The following NALF1 variants were observed in gnomAD, a reference collection of about 807,000 sequenced individuals.
NALF1 encodes the protein NALCN channel auxiliary factor 1, also known as family with sequence similarity 155 member A.
Under a neutral mutation model 48.4 loss-of-function variants are expected in NALF1, and 3 were observed. The observed-to-expected ratio is 0.06, with a 90% confidence interval of 0.03 to 0.16. The LOEUF is 0.16. NALF1 is among the 10% of genes least tolerant of loss of function. The pLI is 1.00. For synonymous variants in NALF1, 262 were observed against 245.7 expected, an observed-to-expected ratio of 1.07 and a Z score of -0.62; for missense variants, 526 against 571.5, an observed-to-expected ratio of 0.92 and a Z score of 0.81.
intron 1 of NALF1, among the ~76,000 whole-genome samples, chr13:107,543,510 T>G (rs1877047493): frequency 6.6e-6 from 1 of 152,038 alleles, no homozygotes; most frequent in Admixed American, 6.6e-5. Flanking sequence ...AAATCTGCCA[T>G]ATATACACAT....
chr13:107,783,813 T>A (rs1246032522), intron 1 of NALF1, among the ~76,000 whole-genome samples: 1 of 148,748 alleles, frequency 6.7e-6, no homozygotes, highest in African/African-American at 2.5e-5. Flanking sequence ...TATTGTCCTA[T>A]GACCCTGCCA....
intron 1 of NALF1, among the ~76,000 whole-genome samples, chr13:107,354,008 C>T (rs1488279420): frequency 1.3e-5 from 2 of 152,096 alleles, no homozygotes; most frequent in Non-Finnish European, 1.5e-5. Context: ...GATGAGACAG[C>T]CAAGGTTCTG....
At chr13:107,190,846 G>T (rs1177429610) in intron 2 of NALF1, among the ~76,000 whole-genome samples, 1 of 152,130 alleles carries the variant, frequency 6.6e-6, no homozygotes, top group Non-Finnish European at 1.5e-5. Flanking sequence ...AATTACGAAA[G>T]CATTGGAAAC....
At chr13:107,772,662 C>T (rs768304639) in intron 1 of NALF1, among the ~76,000 whole-genome samples, 20 of 152,174 alleles carry the variant, frequency 1.3e-4, no homozygotes, top group Non-Finnish European at 2.2e-4. Context: ...ACATGTTCAA[C>T]GAGAAAAGAA....
intron 1 of NALF1, among the ~76,000 whole-genome samples, chr13:107,347,308 AC>A (rs1197263531): frequency 6.6e-6 from 1 of 152,166 alleles, no homozygotes; most frequent in Non-Finnish European, 1.5e-5. Context: ...CTAGGACACC[AC>A]CAACTGTGTA....
intron 1 of NALF1, among the ~76,000 whole-genome samples, chr13:107,820,998 G>C (rs1879345031): frequency 6.6e-6 from 1 of 152,112 alleles, no homozygotes; most frequent in South Asian, 2.1e-4. Flanking sequence ...TATCCAACTA[G>C]AAACACAAGC....
Position 107,308,759 on chromosome 13 carries a change from C to T in NALF1, c.916-98004G>A, listed in dbSNP as rs1415658036. Among the ~76,000 whole-genome samples, 3 of 152,168 alleles carry T rather than the reference C, an allele frequency of 2.0e-5. No individual in the cohort carries two copies. In the East Asian group the frequency reaches 5.8e-4, roughly 29 times the overall value. ...GCCAATGTCTCTCCTGAAAATCAATCCTGAATATGAAAACTATTTATTAAC... is the reference window on the plus strand; with the variant it reads ...GCCAATGTCTCTCCTGAAAATCAATTCTGAATATGAAAACTATTTATTAAC... On this transcript the variant is annotated intron_variant, in intron 1 of 2. Transcript: ENST00000375915.
At chr13:107,551,448 T>C (rs1341917282) in intron 1 of NALF1, among the ~76,000 whole-genome samples, 1 of 152,142 alleles carries the variant, frequency 6.6e-6, no homozygotes, top group Non-Finnish European at 1.5e-5. Flanking sequence ...AATTTTGAGC[T>C]AGGGACAGAA....
intron 1 of NALF1, among the ~76,000 whole-genome samples, chr13:107,420,859 C>T (rs1884173783): frequency 6.6e-6 from 1 of 152,016 alleles, no homozygotes. Context: ...TTTTGTGTGC[C>T]TTCTTTGTCA....
At chr13:107,769,538 T>G (rs371851605) in intron 1 of NALF1, among the ~76,000 whole-genome samples, 1 of 98,528 alleles carries the variant, frequency 1.0e-5, no homozygotes, top group Non-Finnish European at 1.9e-5. Flanking sequence ...TGGGAACTGT[T>G]GTGGGGTGGG....
chr13:107,222,983 T>C (rs1055002352), intron 1 of NALF1, among the ~76,000 whole-genome samples: 2 of 152,216 alleles, frequency 1.3e-5, no homozygotes, highest in Non-Finnish European at 2.9e-5. Context: ...TATTATCAGT[T>C]TAATCTACAG....
At chr13:107,380,787 G>A (rs1178847782) in intron 1 of NALF1, among the ~76,000 whole-genome samples, 2 of 151,744 alleles carry the variant, frequency 1.3e-5, no homozygotes, top group Non-Finnish European at 2.9e-5. Context: ...GACCATCCTG[G>A]CTAACACGGT....
intron 1 of NALF1, among the ~76,000 whole-genome samples, chr13:107,787,702 A>G (rs778201989): frequency 1.3e-5 from 2 of 152,236 alleles, no homozygotes; most frequent in Non-Finnish European, 2.9e-5. Flanking sequence ...GTTTTTAGAA[A>G]AAATTACTAC....
rs1391504724 is a variant in NALF1, at chr13:107,867,279, AC to A, written c.-684del. On this transcript the variant is annotated 5_prime_UTR_variant, in exon 1 of 3. Transcript: ENST00000375915. This position sits in a 1 kb window ranked among gnomAD's most constrained non-coding sequence, Gnocchi z 4.4. ...TCCGGCGGGGCGCTCCCTCCCCCCC[AC>A]CCCCCACCCCGCGCTCTAAGTGCTG... 7.9e-5 allele frequency among the ~76,000 whole-genome samples: 3 copies of A among 38,198 alleles called. No homozygotes were observed. The highest frequency in any genetic ancestry group is 1.5e-3 in the East Asian group (1 of 684). 25.1% of individuals were successfully genotyped at this position (38,198 alleles called of 152,430 possible). A position where few individuals can be genotyped will look rare whatever the true frequency, so the allele number is the denominator to read the frequency against.
In NALF1 at chr13:107,769,701, A is replaced by AG. The variant is rs199573622; in HGVS notation, c.915+95980_915+95981insC. Among the ~76,000 whole-genome samples, 331 of 151,506 alleles carry AG rather than the reference A, an allele frequency of 2.2e-3. 3 individuals are homozygous for AG. Among genetic ancestry groups the AG allele is most frequent in the African/African-American group, 7.1e-3 (293 of 41,264 alleles). On this transcript the variant is annotated intron_variant, in intron 1 of 2. Transcript: ENST00000375915. The stretch of plus-strand genomic sequence containing the variant: ...AACTTAAAGTATAATAAAAAAAAAA[A>AG]AAGAAGAAATAAACACAGGTTTTAG...
intron 1 of NALF1, among the ~76,000 whole-genome samples, chr13:107,608,524 T>A (rs1178902906): frequency 6.6e-6 from 1 of 152,180 alleles, no homozygotes; most frequent in Non-Finnish European, 1.5e-5. Context: ...CAGACTTTGT[T>A]ACTTAAAGGG....
At position 107,601,486 on chromosome 13, in the gene NALF1, C is replaced by T. The variant is rs138835655; in HGVS notation, c.915+264196G>A. Reference sequence around the variant, plus strand: ...AGAATGGATTCAGCTCACCTCTAGGCGCTCACTACAGACCAACCCAAATGC... The same window carrying T: ...AGAATGGATTCAGCTCACCTCTAGGTGCTCACTACAGACCAACCCAAATGC... On this transcript the variant is annotated intron_variant, in intron 1 of 2. Coordinates refer to ENST00000375915, the MANE Select transcript of NALF1 (RefSeq NM_001080396.3). 1.5e-3 allele frequency among the ~76,000 whole-genome samples: 234 copies of T among 152,270 alleles called. 1 individual carries two copies. Among genetic ancestry groups the T allele is most frequent in the African/African-American group, 5.3e-3 (222 of 41,558 alleles).
At chr13:107,542,646 G>A (rs1185588971) in intron 1 of NALF1, among the ~76,000 whole-genome samples, 1 of 152,024 alleles carries the variant, frequency 6.6e-6, no homozygotes, top group Non-Finnish European at 1.5e-5. Flanking sequence ...TAAAGTCTGA[G>A]CCCAAAAGTT....
chr13:107,483,658 T>G (rs1053017034), intron 1 of NALF1, among the ~76,000 whole-genome samples: 2 of 152,114 alleles, frequency 1.3e-5, no homozygotes, highest in Admixed American at 1.3e-4. Flanking sequence ...TTTGAACCAC[T>G]GACTCTTATT....
Sources: gnomAD v4.1 joint callset for allele counts (sites outside exome capture counted in the v4.1 genomes callset) on GRCh38, gnomAD v4.1.1 for gene constraint, Gnocchi (gnomAD v3.1) non-coding constraint, MANE v1.5 for transcripts, NCBI Gene and HGNC (gene_info 2026-07-23, HGNC 2026-07-21) for gene names.